The following LARP1B variants were observed in gnomAD, a reference collection of about 807,000 sequenced individuals.
LARP1B encodes La ribonucleoprotein 1B, also known as la-related protein 1B.
A neutral mutation model predicts 114.2 loss-of-function variants in LARP1B; 76 were observed. The observed-to-expected ratio is 0.67, with a 90% confidence interval of 0.55 to 0.81. The LOEUF is 0.81. Ranked by LOEUF, LARP1B falls within the 30% of genes least tolerant of loss-of-function variation. The pLI is 0.00. For synonymous variants in LARP1B, 345 were observed against 348.0 expected (o/e 0.99, Z 0.10); for missense variants, 1,014 against 1,075.8 (o/e 0.94, Z 0.80).
intron 9 of LARP1B, among the ~76,000 whole-genome samples, chr4:128,110,676 C>CAAA (rs544129662): frequency 0.044 from 1,425 of 32,406 alleles, 301 homozygotes; most frequent in African/African-American, 0.22. Context: ...GACTCCGTCT[C>CAAA]AAAAAAAAAA....
intron 12 of LARP1B, 22 bp downstream of exon 12, chr4:128,162,339 T>G: frequency 6.2e-7 from 1 of 1,606,550 alleles, no homozygotes; most frequent in Non-Finnish European, 8.5e-7. Flanking sequence ...TGCTTTTGTG[T>G]AAGTGTCTGA....
At chr4:128,147,829 C>T (rs760919871) in intron 11 of LARP1B, among the ~76,000 whole-genome samples, 24 of 152,186 alleles carry the variant, frequency 1.6e-4, no homozygotes, top group South Asian at 6.2e-4. Flanking sequence ...TCTAGTCACT[C>T]CTTCACTGAT....
chr4:128,079,501 GACAA>G (rs1290479433), intron 4 of LARP1B, among the ~76,000 whole-genome samples: 1 of 152,076 alleles, frequency 6.6e-6, no homozygotes, highest in Non-Finnish European at 1.5e-5. Context: ...GTGACAACAA[GACAA>G]ACAAGTGGTT....
intron 11 of LARP1B, among the ~76,000 whole-genome samples, chr4:128,127,981 A>G (rs996073966): frequency 2.6e-5 from 4 of 152,308 alleles, no homozygotes; most frequent in Middle Eastern, 3.4e-3. Flanking sequence ...AAACATGTCT[A>G]TTTTCAACTG....
intron 4 of LARP1B, among the ~76,000 whole-genome samples, chr4:128,079,303 C>T (rs931455838): frequency 3.3e-5 from 5 of 151,944 alleles, no homozygotes; most frequent in African/African-American, 1.2e-4. Context: ...CTGTGTTGCC[C>T]AGGCTGGTCT....
At position 128,085,377 on chromosome 4, in the gene LARP1B, T is replaced by A. The variant is rs202224694; in HGVS notation, c.358+3072T>A. ...CCTTTTTTTTTTTTTTTTTTTTTTT[T>A]AAATAAGTGATGGGGTCTCATTCTG... On this transcript the variant is annotated intron_variant, in intron 5 of 19. Coordinates refer to ENST00000326639, the MANE Select transcript of LARP1B (RefSeq NM_018078.4). Among the ~76,000 whole-genome samples the A allele has an allele frequency of 5.8e-5, 8 of 139,062 alleles. No individual in the cohort carries two copies. The East Asian group carries it at 8.1e-4, about 14-fold the overall frequency. 91.2% of individuals were successfully genotyped at this position (139,062 alleles called of 152,430 possible).
intron 11 of LARP1B, among the ~76,000 whole-genome samples, chr4:128,156,604 C>T (rs1735790766): frequency 6.6e-6 from 1 of 151,930 alleles, no homozygotes; most frequent in Non-Finnish European, 1.5e-5. Context: ...GCCACTTTAC[C>T]CACCTAGAAC....
intron 11 of LARP1B, among the ~76,000 whole-genome samples, chr4:128,130,641 A>G (rs976319062): frequency 6.6e-6 from 1 of 152,246 alleles, no homozygotes; most frequent in African/African-American, 2.4e-5. Context: ...TTCGTATAAA[A>G]CTGAACTAAA....
At chr4:128,186,698 G>C (rs1027367065) in intron 15 of LARP1B, among the ~76,000 whole-genome samples, 6 of 152,142 alleles carry the variant, frequency 3.9e-5, no homozygotes, top group Non-Finnish European at 7.4e-5. Context: ...GGACAACCTT[G>C]TGTTATTCCA....
chr4:128,217,870 G>A (rs925179776), intron 6 of LARP1B, among the ~76,000 whole-genome samples: 5 of 149,512 alleles, frequency 3.3e-5, no homozygotes, highest in Non-Finnish European at 5.9e-5. Context: ...GTTTGCAGAC[G>A]ACATGATTGT....
intron 1 of LARP1B, among the ~76,000 whole-genome samples, chr4:128,073,571 C>CTTTTTTTTT (rs1491453447): frequency 2.0e-5 from 1 of 49,138 alleles, no homozygotes; most frequent in Non-Finnish European, 4.2e-5. Flanking sequence ...ATATTGTTGT[C>CTTTTTTTTT]GTTTTTTTTT....
At chr4:128,165,888 C>T (rs1740597108) in intron 12 of LARP1B, among the ~76,000 whole-genome samples, 1 of 152,070 alleles carries the variant, frequency 6.6e-6, no homozygotes, top group South Asian at 2.1e-4. Flanking sequence ...TCCCTAACTT[C>T]TAAAATTTGG....
chr4:128,216,862 T>A (rs1355388286), downstream of LARP1B, among the ~76,000 whole-genome samples: 1 of 152,218 alleles, frequency 6.6e-6, no homozygotes, highest in Non-Finnish European at 1.5e-5. Context: ...AGGAGCTGGT[T>A]TTTTGAAAGG....
chr4:128,186,974 T>A (rs1175816608), intron 15 of LARP1B, among the ~76,000 whole-genome samples: 3 of 152,208 alleles, frequency 2.0e-5, no homozygotes, highest in Admixed American at 1.3e-4. Flanking sequence ...CTGCAGGTGG[T>A]GCACAGAATG....
At chr4:128,203,090 G>C (rs1561565294) in intron 17 of LARP1B, among the ~76,000 whole-genome samples, 1 of 152,068 alleles carries the variant, frequency 6.6e-6, no homozygotes, top group Non-Finnish European at 1.5e-5. Flanking sequence ...TGCTTGGGAG[G>C]CTGAAACATG....
At chr4:128,110,100 C>T (rs577360893) in intron 9 of LARP1B, among the ~76,000 whole-genome samples, 2 of 152,150 alleles carry the variant, frequency 1.3e-5, no homozygotes, top group South Asian at 4.2e-4. Flanking sequence ...GATGGAGTTT[C>T]ACCATGTTGG....
intron 1 of LARP1B, among the ~76,000 whole-genome samples, chr4:128,064,323 A>T (rs1031138820): frequency 3.3e-5 from 5 of 149,996 alleles, no homozygotes; most frequent in African/African-American, 9.8e-5. Flanking sequence ...CCATTATGTT[A>T]TGTTAACATT....
At chr4:128,137,272 G>C (rs567569340) in intron 11 of LARP1B, among the ~76,000 whole-genome samples, 5 of 152,084 alleles carry the variant, frequency 3.3e-5, no homozygotes, top group Non-Finnish European at 7.4e-5. Flanking sequence ...CTCAAAGACA[G>C]AGCAAAAGCA....
intron 9 of LARP1B, chr4:128,108,491 T>C: frequency 4.1e-6 from 4 of 985,782 alleles, no homozygotes; most frequent in Non-Finnish European, 4.8e-6. Context: ...GTATTTTTGA[T>C]ACATCAGTAT....
Sources: allele counts gnomAD v4.1 joint callset (sites outside exome capture counted in the v4.1 genomes callset), GRCh38; gene constraint gnomAD v4.1.1; transcripts MANE v1.5; gene names NCBI Gene and HGNC (gene_info 2026-07-23, HGNC 2026-07-21).